Variants in ARHGAP18 observed in about 807,000 individuals in gnomAD.
ARHGAP18 encodes the protein rho GTPase-activating protein 18.
Under a neutral mutation model 86.2 loss-of-function variants are expected in ARHGAP18, and 67 were observed. That is an observed-to-expected ratio of 0.78 (90% CI 0.64 to 0.95). The LOEUF (loss-of-function observed/expected upper bound fraction) is 0.95. Among genes scored for constraint, ARHGAP18 ranks in the 40% least tolerant of loss-of-function variants. The pLI is 0.00. For synonymous variants in ARHGAP18, 283 were observed against 280.4 expected (o/e 1.01, Z -0.09); for missense variants, 691 against 780.4 (o/e 0.89, Z 1.37).
In ARHGAP18 at chr6:129,576,733, T is replaced by C. The variant is rs1788185139; in HGVS notation, c.*1780A>G. 6.6e-6 allele frequency: 1 copy of C among 151,782 alleles called. No homozygotes were observed. The highest frequency in any genetic ancestry group is 1.5e-5 in the Non-Finnish European group (1 of 67,928). The allele number at this position is 151,782 out of a possible 1,614,324, so 9.4% of individuals were successfully genotyped here. ...TAAATCATTATCCTCACTGCTATCT[T>C]TTTTTTTGAAGTTGTATACTCCTAA... On this transcript the variant is annotated 3_prime_UTR_variant, in exon 15 of 15. Coordinates refer to ENST00000368149, the MANE Select transcript of ARHGAP18 (RefSeq NM_033515.3).
chr6:129,608,612 C>T (rs964891011), intron 8 of ARHGAP18, among the ~76,000 whole-genome samples: 3 of 152,122 alleles, frequency 2.0e-5, no homozygotes, highest in African/African-American at 7.2e-5. Flanking sequence ...ATCCTGCTGC[C>T]AGCTGCAAAA....
At chr6:129,602,539 A>G (rs1211394294) in intron 10 of ARHGAP18, among the ~76,000 whole-genome samples, 5 of 152,210 alleles carry the variant, frequency 3.3e-5, no homozygotes, top group African/African-American at 4.8e-5. Flanking sequence ...TTTTGAATCA[A>G]GTATAACTGC....
chr6:129,702,806 C>A (rs1216937127), intron 1 of ARHGAP18, among the ~76,000 whole-genome samples: 1 of 152,116 alleles, frequency 6.6e-6, no homozygotes. Context: ...TCGAGACCAG[C>A]CTGGCCAACA....
At chr6:129,599,387 GA>G in intron 11 of ARHGAP18, 31 bp from the exon 12 acceptor site, 1 of 1,402,292 alleles carries the variant, frequency 7.1e-7, no homozygotes, top group Non-Finnish European at 9.3e-7. Context: ...GCTTAGAGAG[GA>G]AAAAGAAATG....
chr6:129,599,798 A>C (rs1422621801), intron 11 of ARHGAP18, among the ~76,000 whole-genome samples: 1 of 152,168 alleles, frequency 6.6e-6, no homozygotes, highest in African/African-American at 2.4e-5. Context: ...CTCCCCAAGA[A>C]ACAAGAGCTG....
intron 12 of ARHGAP18, among the ~76,000 whole-genome samples, chr6:129,587,612 T>C (rs1788422045): frequency 6.6e-6 from 1 of 152,086 alleles, no homozygotes; most frequent in Non-Finnish European, 1.5e-5. Context: ...GAGAGAAATG[T>C]CAAGCAAAGG....
intron 5 of ARHGAP18, among the ~76,000 whole-genome samples, chr6:129,624,678 C>T (rs1789303114): frequency 6.6e-6 from 1 of 151,772 alleles, no homozygotes; most frequent in Admixed American, 6.6e-5. Context: ...GGCACAGTGG[C>T]TCATGCCTGT....
chr6:129,618,665 G>A (rs1789145128), intron 6 of ARHGAP18, 22 bp downstream of exon 6: 1 of 1,568,544 alleles, frequency 6.4e-7, no homozygotes, highest in African/African-American at 1.4e-5. Flanking sequence ...ATAAATCCAA[G>A]GGTTTATCAT....
intron 1 of ARHGAP18, among the ~76,000 whole-genome samples, chr6:129,648,202 C>T (rs1165954935): frequency 6.6e-6 from 1 of 151,268 alleles, no homozygotes; most frequent in Non-Finnish European, 1.5e-5. Context: ...GATGGGGTCT[C>T]GCTGTGTCTC....
At chr6:129,641,689 G>A (rs1395317565) in intron 2 of ARHGAP18, 127 bp downstream of exon 2, 9 of 851,940 alleles carry the variant, frequency 1.1e-5, no homozygotes, top group East Asian at 5.1e-5. Flanking sequence ...TATTTTTCAA[G>A]TTGAAAGGCA....
intron 10 of ARHGAP18, among the ~76,000 whole-genome samples, chr6:129,601,096 G>A (rs919344535): frequency 6.6e-6 from 1 of 152,166 alleles, no homozygotes; most frequent in African/African-American, 2.4e-5. Flanking sequence ...AGCTGAACTA[G>A]GGAGCAGAGA....
chr6:129,587,566 T>A (rs1788420712), intron 12 of ARHGAP18, among the ~76,000 whole-genome samples: 1 of 152,064 alleles, frequency 6.6e-6, no homozygotes, highest in African/African-American at 2.4e-5. Context: ...AAACTTACAA[T>A]CATGGCAGAA....
intron 1 of ARHGAP18, among the ~76,000 whole-genome samples, chr6:129,703,020 A>G (rs902287216): frequency 6.6e-6 from 1 of 151,606 alleles, no homozygotes; most frequent in African/African-American, 2.4e-5. Flanking sequence ...AAAAAGAAGA[A>G]GAAAAAGAGG....
intron 1 of ARHGAP18, among the ~76,000 whole-genome samples, chr6:129,668,519 G>A (rs1419446310): frequency 6.6e-6 from 1 of 152,082 alleles, no homozygotes; most frequent in Non-Finnish European, 1.5e-5. Context: ...ATCTGGTCCC[G>A]ATTCTTCAGC....
At position 129,624,610 on chromosome 6, in the gene ARHGAP18, T is replaced by A. The variant is rs532554441; in HGVS notation, c.786+4743A>T. Among the ~76,000 whole-genome samples the A allele has an allele frequency of 1.4e-4, 21 of 151,622 alleles. 1 individual carries two copies. In the South Asian group the frequency reaches 3.6e-3, roughly 26 times the overall value. On this transcript the variant is annotated intron_variant, in intron 5 of 14. Transcript: ENST00000368149. ...ATCATTTTAGGCCACACTTGCATACTCTTTTACTTTTCCCATTAGGTATAA... is the reference window on the plus strand; with the variant it reads ...ATCATTTTAGGCCACACTTGCATACACTTTTACTTTTCCCATTAGGTATAA...
chr6:129,639,451 T>C (rs552465209), intron 2 of ARHGAP18, among the ~76,000 whole-genome samples: 1 of 152,328 alleles, frequency 6.6e-6, no homozygotes, highest in East Asian at 1.9e-4. Flanking sequence ...TAGCCAAGTC[T>C]CTTTGGAAAA....
At chr6:129,611,094 G>T (rs1475038978) in intron 8 of ARHGAP18, among the ~76,000 whole-genome samples, 2 of 152,006 alleles carry the variant, frequency 1.3e-5, no homozygotes, top group East Asian at 3.9e-4. Context: ...TAGAGACAGG[G>T]TCTCACTTTG....
chr6:129,695,315 C>T (rs1336388834), intron 1 of ARHGAP18, among the ~76,000 whole-genome samples: 2 of 152,064 alleles, frequency 1.3e-5, no homozygotes, highest in Non-Finnish European at 2.9e-5. Context: ...ACTTTGTTTA[C>T]ACCAAATATT....
At chr6:129,606,915 C>T (rs986249574) in intron 9 of ARHGAP18, among the ~76,000 whole-genome samples, 3 of 151,138 alleles carry the variant, frequency 2.0e-5, no homozygotes, top group African/African-American at 4.9e-5. Flanking sequence ...GGCTGGAGTA[C>T]AGTGGTGTGA....
Sources: allele counts gnomAD v4.1 joint callset (sites outside exome capture counted in the v4.1 genomes callset), GRCh38; gene constraint gnomAD v4.1.1; transcripts MANE v1.5; gene names NCBI Gene and HGNC (gene_info 2026-07-23, HGNC 2026-07-21).